The following HSD17B7 variants were observed in gnomAD, a reference collection of about 807,000 sequenced individuals.
HSD17B7 encodes the protein hydroxysteroid 17-beta dehydrogenase 7.
In HSD17B7, 17 loss-of-function variants were observed where a neutral mutation model predicts 34.1. The ratio of observed to expected loss-of-function variants is 0.50; its 90% CI spans 0.34 to 0.75. The LOEUF is 0.75. HSD17B7 is among the 30% of genes least tolerant of loss of function. HSD17B7 has a pLI of 0.01. For missense variants in HSD17B7, 296 were observed against 406.6 expected (o/e 0.73, Z 2.34); for synonymous variants, 122 against 154.6 (o/e 0.79, Z 1.56).
At chr1:162,805,938 G>A (rs1648968657) in intron 8 of HSD17B7, among the ~76,000 whole-genome samples, 2 of 152,136 alleles carry the variant, frequency 1.3e-5, no homozygotes, top group Admixed American at 1.3e-4. Context: ...TACGTTGCAA[G>A]TTGAATGAAA....
At chr1:162,800,425 G>A (rs367598438) in intron 5 of HSD17B7, 6 of 382,490 alleles carry the variant, frequency 1.6e-5, no homozygotes, top group African/African-American at 4.2e-5. Flanking sequence ...CCATGCTGCC[G>A]CCTAGTGTTT....
At chr1:162,792,122 A>G (rs1318963743) in intron 1 of HSD17B7, among the ~76,000 whole-genome samples, 2 of 152,224 alleles carry the variant, frequency 1.3e-5, no homozygotes, top group African/African-American at 4.8e-5. Flanking sequence ...AGGGATTTGT[A>G]CATCCTGCCA....
intron 2 of HSD17B7, 169 bp downstream of exon 2, chr1:162,793,031 C>T (rs201429231): frequency 1.6e-3 from 565 of 352,362 alleles, no homozygotes; most frequent in Middle Eastern, 2.7e-3. Flanking sequence ...CGTTTTCTTT[C>T]TTTTTTTTTT....
intron 8 of HSD17B7, among the ~76,000 whole-genome samples, chr1:162,810,591 C>G (rs1649142383): frequency 6.6e-6 from 1 of 152,104 alleles, no homozygotes; most frequent in Admixed American, 6.5e-5. Flanking sequence ...GTCTAAGCCT[C>G]TTTGTAGGTC....
chr1:162,796,141 A>G (rs1648600312), intron 2 of HSD17B7, among the ~76,000 whole-genome samples: 1 of 152,180 alleles, frequency 6.6e-6, no homozygotes, highest in African/African-American at 2.4e-5. Flanking sequence ...GTGAATATCA[A>G]TAGTATATAA....
At chr1:162,810,634 C>A (rs1441731176) in intron 8 of HSD17B7, among the ~76,000 whole-genome samples, 1 of 139,264 alleles carries the variant, frequency 7.2e-6, no homozygotes. Context: ...CTGGGTGCTC[C>A]TGTACTGGGT....
intron 3 of HSD17B7, 196 bp from the exon 4 acceptor site, chr1:162,797,606 T>G: frequency 1.7e-6 from 1 of 586,196 alleles, no homozygotes; most frequent in Non-Finnish European, 2.9e-6. Context: ...TTCTGTGAAT[T>G]AGTGGGGGGA....
Position 162,796,801 on chromosome 1 carries a change from A to T in HSD17B7, c.332+124A>T. ...GTTGTTGAAAAGGTTGAAGACAGAA[A>T]AAGGAGATGTCGCAACCATATCATG... On this transcript the variant is annotated intron_variant, in intron 3 of 8. Transcript: ENST00000254521. The T allele has an allele frequency of 4.4e-6, 3 of 681,572 alleles. No individual in the cohort carries two copies. In the East Asian group the frequency reaches 7.8e-5, roughly 18 times the overall value. The allele number at this position is 681,572 out of a possible 1,614,324, so 42.2% of individuals were successfully genotyped here. A position where few individuals can be genotyped will look rare whatever the true frequency, so the allele number is the denominator to read the frequency against.
intron 2 of HSD17B7, among the ~76,000 whole-genome samples, chr1:162,794,509 T>G (rs1220057581): frequency 6.6e-6 from 1 of 152,206 alleles, no homozygotes; most frequent in Non-Finnish European, 1.5e-5. Context: ...GGTTCTGTTT[T>G]CACATAAATT....
intron 4 of HSD17B7, 118 bp downstream of exon 4, chr1:162,798,034 GT>G (rs1198152820): frequency 2.1e-6 from 3 of 1,401,968 alleles, no homozygotes; most frequent in African/African-American, 2.9e-5. Flanking sequence ...TCATGTTTGA[GT>G]TTTCTTGATT....
intron 8 of HSD17B7, 29 bp downstream of exon 8, chr1:162,805,521 G>A (rs989170957): frequency 1.1e-5 from 17 of 1,606,960 alleles, no homozygotes; most frequent in African/African-American, 1.3e-5. Context: ...TTGCACTGAT[G>A]TTTGCTGTTG....
chr1:162,792,463 A>T, intron 1 of HSD17B7, 196 bp from the exon 2 acceptor site: 1 of 698,340 alleles, frequency 1.4e-6, no homozygotes, highest in South Asian at 2.1e-5. Context: ...AGAAAAACAC[A>T]AACTAGGCTG....
chr1:162,810,898 A>G (rs937507229), intron 8 of HSD17B7, among the ~76,000 whole-genome samples: 1 of 152,088 alleles, frequency 6.6e-6, no homozygotes, highest in African/African-American at 2.4e-5. Context: ...TTGACTCTTT[A>G]TCCAATTTGC....
chr1:162,801,742 A>T (rs1161939380), intron 5 of HSD17B7, among the ~76,000 whole-genome samples: 1 of 152,054 alleles, frequency 6.6e-6, no homozygotes, highest in Non-Finnish European at 1.5e-5. Flanking sequence ...TGGACTCAGC[A>T]TGTTGGCCCA....
chr1:162,810,083 T>A (rs1336119541), intron 8 of HSD17B7, among the ~76,000 whole-genome samples: 5 of 152,232 alleles, frequency 3.3e-5, no homozygotes, highest in Admixed American at 2.0e-4. Context: ...TCTTGTGGGC[T>A]TTTAGTGCTA....
intron 8 of HSD17B7, among the ~76,000 whole-genome samples, chr1:162,806,125 G>A (rs1648974324): frequency 6.6e-6 from 1 of 152,104 alleles, no homozygotes; most frequent in Non-Finnish European, 1.5e-5. Flanking sequence ...CAAACATAGA[G>A]TTACATACTG....
intron 5 of HSD17B7, chr1:162,800,342 A>G (rs574136519): frequency 2.2e-6 from 1 of 448,650 alleles, no homozygotes; most frequent in African/African-American, 2.0e-5. Flanking sequence ...TGGTCACACA[A>G]CTTGTAAATG....
chr1:162,796,364 A>G (rs1456576424), intron 2 of HSD17B7, among the ~76,000 whole-genome samples: 1 of 152,216 alleles, frequency 6.6e-6, no homozygotes, highest in Non-Finnish European at 1.5e-5. Context: ...GAATTCTCAA[A>G]TGTTTACTGT....
At chr1:162,794,098 A>G (rs1421727416) in intron 2 of HSD17B7, among the ~76,000 whole-genome samples, 4 of 152,208 alleles carry the variant, frequency 2.6e-5, no homozygotes, top group Non-Finnish European at 5.9e-5. Context: ...AAATTGTAAG[A>G]GGAATTTATG....
Sources: gnomAD v4.1 joint callset for allele counts (sites outside exome capture counted in the v4.1 genomes callset) on GRCh38, gnomAD v4.1.1 for gene constraint, MANE v1.5 for transcripts, NCBI Gene and HGNC (gene_info 2026-07-23, HGNC 2026-07-21) for gene names.